PPP4R3B: variants seen among roughly 807,000 people sequenced by gnomAD.
The protein encoded by PPP4R3B is protein phosphatase 4 regulatory subunit 3B, also known as serine/threonine-protein phosphatase 4 regulatory subunit 3B.
Under a neutral mutation model 95.4 loss-of-function variants are expected in PPP4R3B, and 52 were observed. That is an observed-to-expected ratio of 0.54 (90% CI 0.44 to 0.69). The LOEUF is 0.69. Ranked by LOEUF, PPP4R3B falls within the 30% of genes least tolerant of loss-of-function variation. The probability of loss-of-function intolerance (pLI) is 0.00; values close to 1 mark genes in which losing one functional copy is unlikely to be tolerated. For missense variants in PPP4R3B, 1,003 were observed against 1,005.9 expected (o/e 1.00, Z 0.04); for synonymous variants, 407 against 343.9 (o/e 1.18, Z -2.03).
At chr2:55,614,144 G>A (rs1366752186) in intron 2 of PPP4R3B, 2 of 152,166 alleles carry the variant, frequency 1.3e-5, no homozygotes, top group African/African-American at 4.8e-5. Context: ...ATACATAATT[G>A]TTCTAACAGT....
Position 55,617,528 on chromosome 2 carries a change from C to G in PPP4R3B, c.-243G>C, listed in dbSNP as rs970445304. 3.1e-5 allele frequency: 13 copies of G among 413,838 alleles called. No homozygotes were observed. The highest frequency in any genetic ancestry group is 5.4e-5 in the South Asian group (1 of 18,402). The allele number at this position is 413,838 out of a possible 1,614,324, so 25.6% of individuals were successfully genotyped here. A position where few individuals can be genotyped will look rare whatever the true frequency, so the allele number is the denominator to read the frequency against. On this transcript the variant is annotated 5_prime_UTR_variant, in exon 1 of 17. Coordinates refer to ENST00000616407, the MANE Select transcript of PPP4R3B (RefSeq NM_001122964.3). The stretch of plus-strand genomic sequence containing the variant: ...CCCGCGCATACACCCACTCTCCCGT[C>G]TCTTTGCCCCCCAGGGCTCGCTTGC...
At chr2:55,614,487 G>A (rs752034464) in intron 2 of PPP4R3B, 7 of 152,152 alleles carry the variant, frequency 4.6e-5, no homozygotes, top group Non-Finnish European at 8.8e-5. Flanking sequence ...GCAAGCTGCA[G>A]AATACATGTA....
chr2:55,551,018 C>T (rs1022056639), intron 16 of PPP4R3B, among the ~76,000 whole-genome samples: 1 of 152,010 alleles, frequency 6.6e-6, no homozygotes, highest in Non-Finnish European at 1.5e-5. Context: ...GGTCTGATGT[C>T]AAATTCTAAT....
chr2:55,566,687 G>C (rs1186566736), intron 13 of PPP4R3B, among the ~76,000 whole-genome samples: 1 of 152,168 alleles, frequency 6.6e-6, no homozygotes, highest in Non-Finnish European at 1.5e-5. Context: ...ACTAGATAAT[G>C]AATTTCTAGC....
rs1558955246 is a variant in PPP4R3B at position 55,564,348 on chromosome 2, G to A, written c.2225C>T (p.Pro742Leu). 7.4e-6 allele frequency: 12 copies of A among 1,613,058 alleles called. No homozygotes were observed. The highest frequency in any genetic ancestry group is 8.5e-6 in the Non-Finnish European group (10 of 1,179,684). ...VEKPKPEDDF[P>L]DNYEKFMETK... ...CTCCATAAACTTTTCATAATTATCT[G>A]GAAAATCATCTTCTGGCTTAGGTTT... is the stretch of plus-strand genomic sequence containing the variant. The change falls in exon 15 of 17, where the codon CCA (proline) becomes CTA (leucine). Residue 742 changes from proline (P) to leucine (L), a missense_variant. By Grantham distance (98) the Pro-to-Leu change is moderately conservative. Around this residue, in one of 3 missense-constraint regions of PPP4R3B, gnomAD observed 229 missense variants for 194.7 expected, o/e 1.18. Transcript: ENST00000616407.
At chr2:55,615,343 T>C (rs1272818976) in intron 2 of PPP4R3B, 108 bp downstream of exon 2, 2 of 869,756 alleles carry the variant, frequency 2.3e-6, no homozygotes, top group East Asian at 2.6e-5. Flanking sequence ...GATCTTTGTT[T>C]ACCAAACATG....
intron 1 of PPP4R3B, among the ~76,000 whole-genome samples, chr2:55,615,946 T>C (rs1694865501): frequency 8.2e-6 from 1 of 122,620 alleles, no homozygotes; most frequent in Non-Finnish European, 1.6e-5. Flanking sequence ...GAGTTGGACA[T>C]CTTAATAAAA....
At position 55,617,182 on chromosome 2, in the gene PPP4R3B, A is replaced by C; in HGVS notation, c.104T>G (p.Leu35Arg). The change falls in exon 1 of 17, where the codon CTC becomes CGC. Residue 35 changes from leucine to arginine, a missense_variant. By Grantham distance (102) the Leu-to-Arg change is moderately radical (BLOSUM62 -2). Transcript: ENST00000616407. Reference protein sequence around the residue: ...GHVSSTYVEELKGMSLLVRAE... With the variant: ...GHVSSTYVEERKGMSLLVRAE... ...CCGAACCAGCAGCGACATCCCCTTG[A>C]GCTCCTCCACGTAAGTGGAGGAGAC... 1 of 1,613,486 alleles carries C rather than the reference A, an allele frequency of 6.2e-7. No homozygotes were observed. Among genetic ancestry groups the C allele is most frequent in the Non-Finnish European group, 8.5e-7 (1 of 1,179,702 alleles).
chr2:55,616,926 A>G (rs1422785764), intron 1 of PPP4R3B, among the ~76,000 whole-genome samples: 1 of 152,128 alleles, frequency 6.6e-6, no homozygotes, highest in African/African-American at 2.4e-5. Flanking sequence ...GAAGGAGTCC[A>G]ATCCTTAAGA....
chr2:55,606,223 A>G (rs1052941727), intron 2 of PPP4R3B, among the ~76,000 whole-genome samples: 1 of 152,162 alleles, frequency 6.6e-6, no homozygotes, highest in Non-Finnish European at 1.5e-5. Flanking sequence ...ATATTAATAC[A>G]TTATAAAACA....
intron 2 of PPP4R3B, among the ~76,000 whole-genome samples, chr2:55,608,040 C>T (rs1412498120): frequency 6.6e-6 from 1 of 152,220 alleles, no homozygotes; most frequent in African/African-American, 2.4e-5. Flanking sequence ...GAGTCTCACT[C>T]TGTTGCCCAG....
chr2:55,583,010 T>C (rs922947614), intron 7 of PPP4R3B, among the ~76,000 whole-genome samples: 2 of 152,144 alleles, frequency 1.3e-5, no homozygotes, highest in Non-Finnish European at 2.9e-5. Flanking sequence ...AAAATGTTAA[T>C]ATTTCCTTTC....
chr2:55,557,610 T>G (rs769732266), intron 16 of PPP4R3B, among the ~76,000 whole-genome samples: 38 of 152,234 alleles, frequency 2.5e-4, no homozygotes, highest in Non-Finnish European at 1.5e-4. Flanking sequence ...AAAATGCTAT[T>G]GTCAAGAGCC....
At chr2:55,609,773 G>A (rs930273889) in intron 2 of PPP4R3B, among the ~76,000 whole-genome samples, 6 of 150,952 alleles carry the variant, frequency 4.0e-5, no homozygotes, top group Non-Finnish European at 8.8e-5. Flanking sequence ...GCACAAAACA[G>A]TATACAGTAT....
intron 3 of PPP4R3B, among the ~76,000 whole-genome samples, chr2:55,600,847 A>C (rs925015842): frequency 1.3e-5 from 2 of 152,186 alleles, no homozygotes; most frequent in African/African-American, 4.8e-5. Context: ...TAATGTAACA[A>C]GGAAAATTCA....
chr2:55,558,263 G>A (rs1176070578), intron 16 of PPP4R3B, among the ~76,000 whole-genome samples: 1 of 152,228 alleles, frequency 6.6e-6, no homozygotes, highest in African/African-American at 2.4e-5. Flanking sequence ...TAAGTAGTCA[G>A]TGAAATATTA....
At position 55,598,424 on chromosome 2, in the gene PPP4R3B, T is replaced by G; in HGVS notation, c.913A>C (p.Met305Leu). The change falls in exon 4 of 17, where the codon ATG becomes CTG. Residue 305 changes from methionine (M) to leucine (L), a missense_variant. Around this residue, in one of 3 missense-constraint regions of PPP4R3B, gnomAD observed 695 missense variants for 686.2 expected, o/e 1.01. Coordinates refer to ENST00000616407, the MANE Select transcript of PPP4R3B (RefSeq NM_001122964.3). The stretch of plus-strand genomic sequence containing the variant: ...AGTATCTTTTTACTTACCTGCAACA[T>G]GCTGACTATCTCAACTTTGTTGAAG... ...IFFNKVEIVS[M>L]LQEDEKFLSE... 1 of 1,613,312 alleles carries G rather than the reference T, an allele frequency of 6.2e-7. No homozygotes were observed. Among genetic ancestry groups the G allele is most frequent in the South Asian group, 1.1e-5 (1 of 90,906 alleles).
intron 1 of PPP4R3B, among the ~76,000 whole-genome samples, chr2:55,615,745 G>A (rs1025464056): frequency 1.3e-5 from 2 of 151,232 alleles, no homozygotes; most frequent in Non-Finnish European, 2.9e-5. Context: ...CCAGGTACAC[G>A]GGAGGGTGGG....
At chr2:55,615,706 G>C (rs1694798417) in intron 1 of PPP4R3B, among the ~76,000 whole-genome samples, 200 bp from the exon 2 acceptor site, 1 of 151,686 alleles carries the variant, frequency 6.6e-6, no homozygotes, top group Non-Finnish European at 1.5e-5. Flanking sequence ...ACAAAAATTA[G>C]CTGGGCGTGG....
Sources: allele counts gnomAD v4.1 joint callset (sites outside exome capture counted in the v4.1 genomes callset), GRCh38; gene constraint gnomAD v4.1.1; regional missense constraint gnomAD v4.1.1; transcripts MANE v1.5; gene names NCBI Gene and HGNC (gene_info 2026-07-23, HGNC 2026-07-21).